Variants in DCDC1 observed in about 807,000 individuals in gnomAD.
DCDC1 encodes doublecortin domain containing 1.
A neutral mutation model predicts 178.3 loss-of-function variants in DCDC1; 200 were observed. The observed-to-expected ratio is 1.12, with a 90% CI of 1.00 to 1.26. The LOEUF (loss-of-function observed/expected upper bound fraction) is 1.26, where lower values mean the gene tolerates loss of function less well. Ranked by LOEUF, DCDC1 falls within the 50% of genes most tolerant of loss-of-function variation. The probability of loss-of-function intolerance (pLI) is 0.00; values close to 1 mark genes in which losing one functional copy is unlikely to be tolerated. For missense variants in DCDC1, 1,983 were observed against 1,749.2 expected (o/e 1.13, Z -2.38); for synonymous variants, 690 against 604.8 (o/e 1.14, Z -2.07).
intron 20 of DCDC1, among the ~76,000 whole-genome samples, chr11:31,035,146 G>C (rs934207263): frequency 2.6e-5 from 4 of 152,178 alleles, no homozygotes; most frequent in Non-Finnish European, 4.4e-5. Flanking sequence ...GATAATTTTA[G>C]ACTTACAGAA....
rs1958881695 is a variant in DCDC1, at chr11:31,106,835, A to G, written c.1713T>C (p.Asn571=). ...CATAAGAGACCCAAATTTTTTGCTC[A>G]TTCTTCAGCGAAAGTGGATTCTTAA... ...QEIKNPLSLK[N]EQKIWVSYGR... The change falls in exon 13 of 39, where the codon AAT becomes AAC. Residue 571 remains asparagine (N), a synonymous_variant. Coordinates refer to ENST00000684477, the MANE Select transcript of DCDC1 (RefSeq NM_001387274.1). 4 of 766,212 alleles carry G rather than the reference A, an allele frequency of 5.2e-6. No individual in the cohort carries two copies. The highest frequency in any genetic ancestry group is 3.4e-5 in the Admixed American group (2 of 58,990). 47.5% of individuals were successfully genotyped at this position (766,212 alleles called of 1,614,324 possible).
At chr11:31,042,651 T>A (rs1008505327) in intron 20 of DCDC1, among the ~76,000 whole-genome samples, 10 of 152,174 alleles carry the variant, frequency 6.6e-5, no homozygotes, top group Non-Finnish European at 1.3e-4. Context: ...GAAATATCTG[T>A]ATACAACCCA....
chr11:30,929,764 T>G (rs1040615808), intron 22 of DCDC1, among the ~76,000 whole-genome samples: 1 of 152,114 alleles, frequency 6.6e-6, no homozygotes, highest in Non-Finnish European at 1.5e-5. Context: ...TAACTTACAT[T>G]TCTGAGAGAC....
At chr11:31,281,001 T>C in intron 7 of DCDC1, 1 of 586,874 alleles carries the variant, frequency 1.7e-6, no homozygotes, top group Non-Finnish European at 3.3e-6. Context: ...TAATTCCCTT[T>C]TTCGTCACAA....
intron 9 of DCDC1, among the ~76,000 whole-genome samples, chr11:31,170,463 A>T (rs895147002): frequency 2.0e-5 from 3 of 152,224 alleles, no homozygotes; most frequent in Non-Finnish European, 4.4e-5. Flanking sequence ...ATAATGACCA[A>T]ATTCATTATT....
chr11:31,249,077 G>A (rs1943780203), intron 8 of DCDC1, among the ~76,000 whole-genome samples: 1 of 152,052 alleles, frequency 6.6e-6, no homozygotes, highest in African/African-American at 2.4e-5. Context: ...ATAAAAACCA[G>A]AAGACAGAAA....
intron 9 of DCDC1, chr11:31,215,158 A>G: frequency 3.9e-6 from 1 of 254,544 alleles, no homozygotes. Context: ...TTAGAAGTGC[A>G]GTGGCTCACA....
At chr11:30,919,825 T>C (rs1394529188) in intron 25 of DCDC1, among the ~76,000 whole-genome samples, 5 of 152,206 alleles carry the variant, frequency 3.3e-5, no homozygotes, top group Admixed American at 1.3e-4. Context: ...TATTTTTGGT[T>C]TTATAATTTG....
At chr11:31,068,855 A>ATT (rs201114514) in intron 18 of DCDC1, among the ~76,000 whole-genome samples, 1 of 145,216 alleles carries the variant, frequency 6.9e-6, no homozygotes. Flanking sequence ...TCATTAATGT[A>ATT]TTTTTTTTTT....
chr11:30,934,316 G>T (rs1947127274), intron 21 of DCDC1, among the ~76,000 whole-genome samples: 1 of 152,164 alleles, frequency 6.6e-6, no homozygotes, highest in South Asian at 2.1e-4. Context: ...GTATTTTCAG[G>T]TATCTTGTGG....
intron 7 of DCDC1, among the ~76,000 whole-genome samples, chr11:31,272,290 T>A (rs1014217282): frequency 6.6e-6 from 1 of 152,040 alleles, no homozygotes; most frequent in Admixed American, 6.5e-5. Flanking sequence ...GGAAATTCAA[T>A]ATGAGATTTG....
chr11:31,007,717 G>T (rs1323750394), intron 20 of DCDC1, among the ~76,000 whole-genome samples: 1 of 152,030 alleles, frequency 6.6e-6, no homozygotes, highest in Non-Finnish European at 1.5e-5. Context: ...AGGCTGGAGT[G>T]TAGTGGTGTG....
intron 7 of DCDC1, among the ~76,000 whole-genome samples, chr11:31,279,539 A>G (rs914818829): frequency 4.6e-5 from 7 of 152,210 alleles, no homozygotes; most frequent in African/African-American, 1.7e-4. Flanking sequence ...TGGCACATAT[A>G]CACCATGGAA....
chr11:31,051,968 T>G (rs1590883348), intron 20 of DCDC1, among the ~76,000 whole-genome samples: 1 of 152,058 alleles, frequency 6.6e-6, no homozygotes, highest in South Asian at 2.1e-4. Flanking sequence ...CAGGCAACAA[T>G]GAGCAAGATG....
At chr11:31,150,493 G>A (rs1965050986) in intron 9 of DCDC1, among the ~76,000 whole-genome samples, 1 of 152,154 alleles carries the variant, frequency 6.6e-6, no homozygotes, top group Non-Finnish European at 1.5e-5. Context: ...TAGCTACTCA[G>A]AATGGTGAGG....
At position 30,902,516 on chromosome 11, in the gene DCDC1, A is replaced by ATG. The variant is rs965333847; in HGVS notation, c.4510+964_4510+965dup. Among the ~76,000 whole-genome samples, 141 of 151,926 alleles carry ATG rather than the reference A, an allele frequency of 9.3e-4. 1 individual carries two copies. The highest frequency in any genetic ancestry group is 3.0e-3 in the African/African-American group (126 of 41,494). On this transcript the variant is annotated intron_variant, in intron 32 of 38. Coordinates refer to ENST00000684477, the MANE Select transcript of DCDC1 (RefSeq NM_001387274.1). ...ACATGTTAAATATATATACACATAT[A>ATG]TGTGTGTGTGTGTGTATATCCATAT...
intron 20 of DCDC1, among the ~76,000 whole-genome samples, chr11:30,998,527 T>C (rs1456656546): frequency 9.1e-6 from 1 of 110,022 alleles, no homozygotes; most frequent in Non-Finnish European, 2.2e-5. Context: ...AGAATGGATA[T>C]ATTTTCCTTG....
intron 21 of DCDC1, among the ~76,000 whole-genome samples, chr11:30,940,668 C>T (rs534882321): frequency 2.6e-5 from 4 of 152,040 alleles, no homozygotes; most frequent in Non-Finnish European, 4.4e-5. Context: ...ACAATTATAT[C>T]GATTTTATTA....
At chr11:31,045,051 T>C (rs1954739546) in intron 20 of DCDC1, among the ~76,000 whole-genome samples, 1 of 152,128 alleles carries the variant, frequency 6.6e-6, no homozygotes, top group Non-Finnish European at 1.5e-5. Context: ...CCACAATGAG[T>C]ATTTTACAAG....
Sources: gnomAD v4.1 joint callset for allele counts (sites outside exome capture counted in the v4.1 genomes callset) on GRCh38, gnomAD v4.1.1 for gene constraint, MANE v1.5 for transcripts, NCBI Gene and HGNC (gene_info 2026-07-23, HGNC 2026-07-21) for gene names.